Variants in ADGRV1 observed in about 807,000 individuals in gnomAD.
ADGRV1 encodes the protein adhesion G protein-coupled receptor V1.
ADGRV1 carries 359 observed loss-of-function variants against 596.2 expected under a neutral mutation model. The observed-to-expected ratio is 0.60, with a 90% CI of 0.55 to 0.66. The LOEUF is 0.66. Among genes scored for constraint, ADGRV1 ranks in the 30% least tolerant of loss-of-function variants. The pLI is 0.00. For missense variants in ADGRV1, 7,274 were observed against 7,575.6 expected (o/e 0.96, Z 1.48); for synonymous variants, 2,681 against 2,679.2 (o/e 1.00, Z -0.02).
intron 50 of ADGRV1, among the ~76,000 whole-genome samples, chr5:90,741,139 A>G (rs1753912951): frequency 6.6e-6 from 1 of 150,648 alleles, no homozygotes; most frequent in East Asian, 2.0e-4. Flanking sequence ...CATGTTTTCT[A>G]CTCCTTCCTC....
rs1491378874 is a variant in ADGRV1, at chr5:91,051,536, GAT to G, written c.18153-20910_18153-20909del. 2.2e-5 allele frequency among the ~76,000 whole-genome samples: 3 copies of G among 136,124 alleles called. No individual in the cohort carries two copies. The South Asian group carries it at 7.1e-4, about 32-fold the overall frequency. The allele number at this position is 136,124 out of a possible 152,430, so 89.3% of individuals were successfully genotyped here. On this transcript the variant is annotated intron_variant, in intron 85 of 89. Transcript: ENST00000405460. The stretch of plus-strand genomic sequence containing the variant: ...GGGTATTAAATGCATTTTGACTTAG[GAT>G]TTTTTTTTTTTTTTTTTTTTTTTTT...
At chr5:90,844,268 A>T (rs1021932526) in intron 78 of ADGRV1, among the ~76,000 whole-genome samples, 2 of 152,220 alleles carry the variant, frequency 1.3e-5, no homozygotes, top group African/African-American at 4.8e-5. Flanking sequence ...TTTAAGTGAA[A>T]TTGTTTTACA....
At chr5:90,695,280 A>G (rs1279657246) in intron 33 of ADGRV1, among the ~76,000 whole-genome samples, 1 of 152,146 alleles carries the variant, frequency 6.6e-6, no homozygotes, top group East Asian at 1.9e-4. Flanking sequence ...CATAAACAAT[A>G]TACTGATATT....
chr5:90,837,365 CT>C (rs869265781), intron 77 of ADGRV1, among the ~76,000 whole-genome samples: 86 of 144,054 alleles, frequency 6.0e-4, no homozygotes, highest in South Asian at 2.2e-3. Context: ...TATTGATTTT[CT>C]TTTTTTTTTT....
intron 34 of ADGRV1, among the ~76,000 whole-genome samples, chr5:90,697,564 C>T (rs996814970): frequency 2.0e-5 from 3 of 151,720 alleles, no homozygotes; most frequent in Middle Eastern, 3.4e-3. Context: ...CATTGGTAAC[C>T]GGTTAAAAAC....
rs143841024 is a variant in ADGRV1 at position 90,627,324 on chromosome 5, C to T, written c.786C>T (p.Pro262=). Residue 262 remains proline (P), a synonymous_variant, in exon 7 of 90, where the codon CCC becomes CCT. Coordinates refer to ENST00000405460, the MANE Select transcript of ADGRV1 (RefSeq NM_032119.4). The stretch of plus-strand genomic sequence containing the variant: ...TCATCATTAAGAAAAATGATAGTCC[C>T]GTGAGATTCCTTCAGAGTATTTATT... ...IEIIIKKNDS[P]VRFLQSIYLV... is the part of the protein sequence containing the mutation. 34 of 1,613,492 alleles carry T rather than the reference C, an allele frequency of 2.1e-5. No homozygotes were observed. Among genetic ancestry groups the T allele is most frequent in the Non-Finnish European group, 2.4e-5 (28 of 1,179,570 alleles).
chr5:90,997,820 T>C lies in ADGRV1; in HGVS notation c.18152+12298T>C, dbSNP rs1290904023. ...AGCTTGAAGTTTTCCATCTGTGCAA[T>C]GGGCATCATAAAACCTGTGTCCTAG... is the stretch of plus-strand genomic sequence containing the variant. On this transcript the variant is annotated intron_variant, in intron 85 of 89. Coordinates refer to ENST00000405460, the MANE Select transcript of ADGRV1 (RefSeq NM_032119.4). Among the ~76,000 whole-genome samples, 4 of 152,108 alleles carry C rather than the reference T, an allele frequency of 2.6e-5. No individual in the cohort carries two copies. In the East Asian group the frequency reaches 7.7e-4, roughly 29 times the overall value.
At chr5:91,075,773 C>T (rs1788801753) in intron 86 of ADGRV1, among the ~76,000 whole-genome samples, 1 of 152,018 alleles carries the variant, frequency 6.6e-6, no homozygotes, top group Admixed American at 6.6e-5. Flanking sequence ...TTCTCATTCT[C>T]CAGCATTTCA....
chr5:90,660,947 C>A lies in ADGRV1; in HGVS notation c.4752+2669C>A, dbSNP rs190986064. Among the ~76,000 whole-genome samples the A allele has an allele frequency of 2.2e-3, 340 of 152,138 alleles. 1 individual carries two copies. The highest frequency in any genetic ancestry group is 7.2e-3 in the African/African-American group (297 of 41,500). ...TCTACCAACCAGGTACACTATGTCC[C>A]GGCAAAGAGCAGGTGCTTAATAAAC... On this transcript the variant is annotated intron_variant, in intron 21 of 89. Transcript: ENST00000405460.
At chr5:90,787,419 C>T (rs1759568371) in intron 67 of ADGRV1, among the ~76,000 whole-genome samples, 1 of 152,208 alleles carries the variant, frequency 6.6e-6, no homozygotes, top group Non-Finnish European at 1.5e-5. Flanking sequence ...ACAGCCTGTG[C>T]ACACAGCAGG....
At chr5:91,067,727 A>G (rs1175420763) in intron 85 of ADGRV1, among the ~76,000 whole-genome samples, 1 of 152,208 alleles carries the variant, frequency 6.6e-6, no homozygotes, top group African/African-American at 2.4e-5. Flanking sequence ...TCAAGACACA[A>G]ATAAGGCAGT....
intron 87 of ADGRV1, among the ~76,000 whole-genome samples, chr5:91,147,433 A>G (rs1417584619): frequency 6.6e-6 from 1 of 152,150 alleles, no homozygotes; most frequent in African/African-American, 2.4e-5. Context: ...CCATGTGTCA[A>G]GGGCAGGACC....
intron 1 of ADGRV1, among the ~76,000 whole-genome samples, chr5:90,575,703 A>G (rs1183519487): frequency 2.6e-5 from 4 of 152,130 alleles, no homozygotes; most frequent in Non-Finnish European, 4.4e-5. Flanking sequence ...AACTTTGACC[A>G]TGAGAGGCAG....
At chr5:90,582,109 G>GT (rs71614756) in intron 1 of ADGRV1, among the ~76,000 whole-genome samples, 10,976 of 127,892 alleles carry the variant, frequency 0.086, 524 homozygotes, top group Non-Finnish European at 0.12. Context: ...CCAAGCATGT[G>GT]TTTTTTTTTT....
At chr5:90,740,322 A>G (rs1753802192) in intron 50 of ADGRV1, among the ~76,000 whole-genome samples, 1 of 152,188 alleles carries the variant, frequency 6.6e-6, no homozygotes, top group African/African-American at 2.4e-5. Context: ...CCCTCTGTGA[A>G]TGATGACAAA....
At chr5:90,862,653 G>A (rs993830893) in intron 82 of ADGRV1, among the ~76,000 whole-genome samples, 3 of 152,150 alleles carry the variant, frequency 2.0e-5, no homozygotes, top group Admixed American at 2.0e-4. Context: ...CCCCATGGAA[G>A]CCTTCCCAAA....
intron 14 of ADGRV1, among the ~76,000 whole-genome samples, chr5:90,644,306 T>G (rs1767416437): frequency 6.6e-6 from 1 of 152,192 alleles, no homozygotes; most frequent in Non-Finnish European, 1.5e-5. Context: ...TTGAGGTGAC[T>G]GGAAATGATA....
In ADGRV1 at chr5:90,643,053, T is replaced by TA. The variant is rs1767203449; in HGVS notation, c.2553+13dup. The TA allele has an allele frequency of 3.7e-6, 6 of 1,602,838 alleles. No homozygotes were observed. Among genetic ancestry groups the TA allele is most frequent in the Non-Finnish European group, 5.1e-6 (6 of 1,170,482 alleles). On this transcript the variant is annotated intron_variant, in intron 13 of 89. Transcript: ENST00000405460. Reference sequence around the variant, plus strand: ...ATGGGATACCAGAGGTATGGGATTTTATATTTTCTTTGTGTTTCTCTGTAA... The same window carrying TA: ...ATGGGATACCAGAGGTATGGGATTTTAATATTTTCTTTGTGTTTCTCTGTAA...
chr5:90,668,180 T>G (rs1051322053), intron 21 of ADGRV1, among the ~76,000 whole-genome samples: 2 of 151,998 alleles, frequency 1.3e-5, no homozygotes, highest in African/African-American at 2.4e-5. Flanking sequence ...TAAGCAAGCC[T>G]GGGCAATGGC....
Sources: gnomAD v4.1 joint callset for allele counts (sites outside exome capture counted in the v4.1 genomes callset) on GRCh38, gnomAD v4.1.1 for gene constraint, MANE v1.5 for transcripts, NCBI Gene and HGNC (gene_info 2026-07-23, HGNC 2026-07-21) for gene names.